GALNTL6: variants seen among roughly 807,000 people sequenced by gnomAD.
The protein encoded by GALNTL6 is polypeptide N-acetylgalactosaminyltransferase-like 6.
A neutral mutation model predicts 73.7 loss-of-function variants in GALNTL6; 46 were observed. That is an observed-to-expected ratio of 0.62 (90% confidence interval 0.49 to 0.80). The LOEUF is 0.80. GALNTL6 is among the 30% of genes least tolerant of loss of function. The probability of loss-of-function intolerance (pLI) is 0.00; values close to 1 mark genes in which losing one functional copy is unlikely to be tolerated. For synonymous variants in GALNTL6, 259 were observed against 263.7 expected (o/e 0.98, Z 0.17); for missense variants, 604 against 755.0 (o/e 0.80, Z 2.34).
Position 172,080,269 on chromosome 4 carries a change from C to T in GALNTL6, c.139-149387C>T, listed in dbSNP as rs146707219. Among the ~76,000 whole-genome samples, 400 of 152,228 alleles carry T rather than the reference C, an allele frequency of 2.6e-3. 2 individuals are homozygous for T. The highest frequency in any genetic ancestry group is 9.2e-3 in the African/African-American group (382 of 41,544). ...GATCATAACTCACTGCAGTTTTAAA[C>T]TCCTGGGCTCAAGTAATCCTCCCAC... On this transcript the variant is annotated intron_variant, in intron 2 of 12. Coordinates refer to ENST00000506823, the MANE Select transcript of GALNTL6 (RefSeq NM_001034845.3).
chr4:172,144,969 T>A (rs999003817), intron 2 of GALNTL6, among the ~76,000 whole-genome samples: 1 of 152,098 alleles, frequency 6.6e-6, no homozygotes, highest in African/African-American at 2.4e-5. Flanking sequence ...ATACAACATT[T>A]TTTTTTGAGA....
At chr4:172,057,721 AAAAAAAATATAT>A (rs1215791945) in intron 2 of GALNTL6, among the ~76,000 whole-genome samples, 77 of 58,580 alleles carry the variant, frequency 1.3e-3, no homozygotes, top group East Asian at 2.9e-3. Flanking sequence ...AAAAAAAAAA[AAAAAAAATATAT>A]ATATATATAT....
chr4:173,038,305 C>T (rs186102517), intron 12 of GALNTL6, among the ~76,000 whole-genome samples: 3 of 152,138 alleles, frequency 2.0e-5, no homozygotes, highest in Non-Finnish European at 2.9e-5. Flanking sequence ...GAGACTGCTG[C>T]CTGAGGAGCC....
At chr4:172,552,646 A>G (rs1053700998) in intron 5 of GALNTL6, among the ~76,000 whole-genome samples, 2 of 151,984 alleles carry the variant, frequency 1.3e-5, no homozygotes, top group African/African-American at 4.8e-5. Flanking sequence ...ATACTAGGTC[A>G]TGCACAAATT....
chr4:171,965,475 T>C (rs1029752532), intron 2 of GALNTL6, among the ~76,000 whole-genome samples: 5 of 151,532 alleles, frequency 3.3e-5, no homozygotes, highest in Non-Finnish European at 7.4e-5. Flanking sequence ...GCTAATACAG[T>C]GAAACCCCGT....
At chr4:171,929,211 C>A (rs1738091801) in intron 2 of GALNTL6, among the ~76,000 whole-genome samples, 2 of 151,992 alleles carry the variant, frequency 1.3e-5, no homozygotes, top group African/African-American at 4.8e-5. Context: ...GGACTAGAGG[C>A]CCACGCCACC....
intron 2 of GALNTL6, among the ~76,000 whole-genome samples, chr4:171,939,993 T>A (rs1347216838): frequency 2.0e-5 from 3 of 152,160 alleles, no homozygotes; most frequent in African/African-American, 7.2e-5. Context: ...ATCATATGTA[T>A]GTGTCTTGGA....
intron 4 of GALNTL6, among the ~76,000 whole-genome samples, chr4:172,345,439 A>G (rs1438693556): frequency 1.3e-5 from 2 of 152,208 alleles, no homozygotes; most frequent in Non-Finnish European, 2.9e-5. Flanking sequence ...GTCTCTGAGT[A>G]GAGCACCAGT....
intron 5 of GALNTL6, among the ~76,000 whole-genome samples, chr4:172,647,783 T>G (rs1740304073): frequency 6.6e-6 from 1 of 152,118 alleles, no homozygotes; most frequent in South Asian, 2.1e-4. Flanking sequence ...TATAATTAAT[T>G]TTTTTCATGA....
At chr4:172,072,990 T>G (rs558403617) in intron 2 of GALNTL6, among the ~76,000 whole-genome samples, 81 of 152,310 alleles carry the variant, frequency 5.3e-4, no homozygotes, top group African/African-American at 1.9e-3. Flanking sequence ...ACCTGCCTAA[T>G]TCTCACTTAT....
At chr4:172,552,507 T>G (rs1735989842) in intron 5 of GALNTL6, among the ~76,000 whole-genome samples, 1 of 152,096 alleles carries the variant, frequency 6.6e-6, no homozygotes. Context: ...CTTTAGTTAA[T>G]AAGAAACCAA....
At chr4:172,755,907 G>A (rs1213754956) in intron 5 of GALNTL6, among the ~76,000 whole-genome samples, 1 of 152,064 alleles carries the variant, frequency 6.6e-6, no homozygotes, top group Admixed American at 6.6e-5. Context: ...AAACCACTTA[G>A]GGATATTACT....
chr4:172,529,867 A>ATTTTAT (rs10682847), intron 5 of GALNTL6, among the ~76,000 whole-genome samples: 2 of 96,816 alleles, frequency 2.1e-5, no homozygotes, highest in Non-Finnish European at 3.9e-5. Flanking sequence ...TTTTTATTTT[A>ATTTTAT]TTTATTTATT....
At chr4:172,689,198 A>C (rs1733113365) in intron 5 of GALNTL6, among the ~76,000 whole-genome samples, 1 of 152,220 alleles carries the variant, frequency 6.6e-6, no homozygotes, top group African/African-American at 2.4e-5. Context: ...TAGCTGAAGT[A>C]GTTTGGACTA....
At chr4:172,684,093 A>T (rs914385132) in intron 5 of GALNTL6, among the ~76,000 whole-genome samples, 2 of 152,216 alleles carry the variant, frequency 1.3e-5, no homozygotes, top group Non-Finnish European at 2.9e-5. Context: ...ATGCAGACAC[A>T]TCTATATCTC....
chr4:172,528,318 A>AT (rs1735032104), intron 5 of GALNTL6, among the ~76,000 whole-genome samples: 3 of 106,566 alleles, frequency 2.8e-5, no homozygotes, highest in African/African-American at 1.5e-4. Context: ...GCTAGAAATA[A>AT]AATATATATA....
intron 5 of GALNTL6, among the ~76,000 whole-genome samples, chr4:172,414,723 C>T (rs1262534971): frequency 6.6e-6 from 1 of 152,154 alleles, no homozygotes; most frequent in Non-Finnish European, 1.5e-5. Context: ...TAAAACTTAA[C>T]TCCGTCACCT....
intron 8 of GALNTL6, among the ~76,000 whole-genome samples, chr4:172,903,621 T>G (rs1161911335): frequency 6.6e-6 from 1 of 152,070 alleles, no homozygotes; most frequent in African/African-American, 2.4e-5. Context: ...AGGCAAAAGT[T>G]TTTTTTTGCA....
intron 3 of GALNTL6, among the ~76,000 whole-genome samples, chr4:172,294,792 G>A (rs908652722): frequency 4.6e-5 from 7 of 152,008 alleles, no homozygotes; most frequent in Non-Finnish European, 1.0e-4. Context: ...CTCCTGCATT[G>A]TCTCAGACAA....
Sources: gnomAD v4.1 joint callset for allele counts (sites outside exome capture counted in the v4.1 genomes callset) on GRCh38, gnomAD v4.1.1 for gene constraint, MANE v1.5 for transcripts, NCBI Gene and HGNC (gene_info 2026-07-23, HGNC 2026-07-21) for gene names.